Variants in RUNX1 observed in about 807,000 individuals in gnomAD.
RUNX1 encodes the protein RUNX family transcription factor 1.
Under a neutral mutation model 42.8 loss-of-function variants are expected in RUNX1, and 19 were observed. The ratio of observed to expected loss-of-function variants is 0.44; its 90% CI spans 0.31 to 0.65. The LOEUF is 0.65. Ranked by LOEUF, RUNX1 falls within the 30% of genes least tolerant of loss-of-function variation. RUNX1 has a pLI of 0.07. For missense variants in RUNX1, 528 were observed against 672.0 expected (o/e 0.79, Z 2.37); for synonymous variants, 271 against 289.4 (o/e 0.94, Z 0.64).
chr21:34,950,855 ATC>A (rs1178353181), intron 2 of RUNX1, among the ~76,000 whole-genome samples: 2 of 152,366 alleles, frequency 1.3e-5, no homozygotes, highest in East Asian at 3.9e-4. Flanking sequence ...ACAGGTGTCC[ATC>A]TCTGTGCTAA....
rs1308670550 is a variant in RUNX1 at position 34,993,692 on chromosome 21, GGCGC to G, written c.58+55146_58+55149del. On this transcript the variant is annotated intron_variant, in intron 2 of 8. Transcript: ENST00000675419. ...AGACACACACACAGACACACACACAGGCGCACACACACACAGACACACACAGGCA... is the reference window on the plus strand; with the variant it reads ...AGACACACACACAGACACACACACAGACACACACACAGACACACACAGGCA... 1.3e-3 allele frequency among the ~76,000 whole-genome samples: 62 copies of G among 46,092 alleles called. 1 individual carries two copies. The highest frequency in any genetic ancestry group is 3.8e-3 in the African/African-American group (62 of 16,422). The allele number at this position is 46,092 out of a possible 152,430, so 30.2% of individuals were successfully genotyped here.
At position 34,792,503 on chromosome 21, in the gene RUNX1, G is replaced by T; in HGVS notation, c.1075C>A (p.Pro359Thr). Residue 359 changes from proline (P) to threonine (T), a missense_variant, in exon 9 of 9, where the codon CCG becomes ACG. This residue lies in a region of RUNX1 where 331 missense variants were observed against 382.5 expected (regional missense o/e 0.87). Coordinates refer to ENST00000675419, the MANE Select transcript of RUNX1 (RefSeq NM_001754.5). This position sits in a 1 kb window ranked among gnomAD's most constrained non-coding sequence, Gnocchi z 6.9. ...YPGAFTYSPTPVTSGIGIGMS... is the reference protein window; with the variant it reads ...YPGAFTYSPTTVTSGIGIGMS... Reference sequence around the variant, plus strand: ...CCGATGCCGATGCCCGAGGTGACCGGCGTCGGGGAGTAGGTGAAGGCGCCT... The same window carrying T: ...CCGATGCCGATGCCCGAGGTGACCGTCGTCGGGGAGTAGGTGAAGGCGCCT... 6.3e-7 allele frequency: 1 copy of T among 1,599,064 alleles called. No homozygotes were observed. The highest frequency in any genetic ancestry group is 8.5e-7 in the Non-Finnish European group (1 of 1,172,918).
At chr21:34,995,043 G>A (rs932677551) in intron 2 of RUNX1, among the ~76,000 whole-genome samples, 7 of 152,236 alleles carry the variant, frequency 4.6e-5, no homozygotes, top group Non-Finnish European at 1.0e-4. Flanking sequence ...GACACCCGTG[G>A]CATTTAAGCC....
chr21:34,875,359 C>T (rs1189939017), intron 5 of RUNX1, among the ~76,000 whole-genome samples: 3 of 152,162 alleles, frequency 2.0e-5, no homozygotes, highest in Non-Finnish European at 2.9e-5. Flanking sequence ...ACCTGCCCGT[C>T]GAAAAGCAGC....
At chr21:34,947,443 A>G (rs539775586) in intron 2 of RUNX1, among the ~76,000 whole-genome samples, 1 of 152,304 alleles carries the variant, frequency 6.6e-6, no homozygotes, top group South Asian at 2.1e-4. Flanking sequence ...CTCTTACATG[A>G]GTGACTGAAC....
intron 7 of RUNX1, among the ~76,000 whole-genome samples, chr21:34,801,457 C>T (rs546911243): frequency 2.0e-5 from 3 of 152,190 alleles, no homozygotes; most frequent in Non-Finnish European, 4.4e-5. Context: ...TATTTCACAG[C>T]CTTTAAAAAA....
chr21:34,827,315 T>A (rs778872627), intron 7 of RUNX1, among the ~76,000 whole-genome samples: 1 of 152,038 alleles, frequency 6.6e-6, no homozygotes, highest in Non-Finnish European at 1.5e-5. Flanking sequence ...CTACATATAG[T>A]GAGATGTGAT....
At chr21:34,934,670 T>C (rs919097078) in intron 2 of RUNX1, among the ~76,000 whole-genome samples, 4 of 152,094 alleles carry the variant, frequency 2.6e-5, no homozygotes, top group Admixed American at 2.6e-4. Context: ...GAATAAAGAA[T>C]ATAGGAGCAT....
chr21:34,799,617 C>A (rs948655963), intron 7 of RUNX1, among the ~76,000 whole-genome samples, 155 bp from the exon 8 acceptor site: 11 of 152,206 alleles, frequency 7.2e-5, no homozygotes, highest in African/African-American at 2.7e-4. Flanking sequence ...GTCCAAGTAT[C>A]TGCCTCTGTT....
intron 2 of RUNX1, among the ~76,000 whole-genome samples, chr21:34,938,113 C>T (rs2834681): frequency 0.19 from 28,491 of 152,142 alleles, 5,770 homozygotes; most frequent in African/African-American, 0.51. Flanking sequence ...TCATGAGTTA[C>T]ATAATATCCA....
At chr21:35,043,493 A>T (rs1470897073) in intron 2 of RUNX1, among the ~76,000 whole-genome samples, 2 of 152,242 alleles carry the variant, frequency 1.3e-5, no homozygotes, top group Non-Finnish European at 2.9e-5. Context: ...CATTTGTGAA[A>T]TGATGGGAGA....
At chr21:34,905,996 C>T (rs1372281229) in intron 2 of RUNX1, among the ~76,000 whole-genome samples, 2 of 152,196 alleles carry the variant, frequency 1.3e-5, no homozygotes, top group Non-Finnish European at 2.9e-5. Flanking sequence ...AGAATCCTCT[C>T]TCCTGGTGGT....
chr21:34,793,939 A>G (rs1485561232), intron 8 of RUNX1, among the ~76,000 whole-genome samples: 1 of 152,086 alleles, frequency 6.6e-6, no homozygotes, highest in Non-Finnish European at 1.5e-5. Context: ...CCTGACCTCA[A>G]GTGATCCACC....
At chr21:34,801,285 G>T (rs983782506) in intron 7 of RUNX1, among the ~76,000 whole-genome samples, 8 of 151,916 alleles carry the variant, frequency 5.3e-5, no homozygotes, top group African/African-American at 9.7e-5. Context: ...AGTAATTCAC[G>T]CCTTGTTGTG....
At chr21:34,942,694 A>C (rs1362515285) in intron 2 of RUNX1, among the ~76,000 whole-genome samples, 3 of 152,206 alleles carry the variant, frequency 2.0e-5, no homozygotes, top group Non-Finnish European at 2.9e-5. Context: ...GGGCTAATGT[A>C]CCCTTTCCAT....
intron 2 of RUNX1, among the ~76,000 whole-genome samples, chr21:34,916,437 C>T (rs1031395435): frequency 1.3e-5 from 2 of 152,120 alleles, no homozygotes; most frequent in African/African-American, 4.8e-5. Flanking sequence ...TTAATAAATG[C>T]ACAGTCTAGT....
At chr21:34,937,102 C>T (rs1451778298) in intron 2 of RUNX1, among the ~76,000 whole-genome samples, 1 of 152,138 alleles carries the variant, frequency 6.6e-6, no homozygotes, top group Non-Finnish European at 1.5e-5. Flanking sequence ...AGATTATGCA[C>T]ACATGGGTCC....
rs182127726 is a variant in RUNX1, at chr21:34,927,744, C to T, written c.59-34781G>A. Among the ~76,000 whole-genome samples, 20 of 152,174 alleles carry T rather than the reference C, an allele frequency of 1.3e-4. No individual in the cohort carries two copies. The East Asian group carries it at 2.9e-3, about 22-fold the overall frequency. On this transcript the variant is annotated intron_variant, in intron 2 of 8. Coordinates refer to ENST00000675419, the MANE Select transcript of RUNX1 (RefSeq NM_001754.5). ...CAGAGGGCCTGCCACATAGTAGGCT[C>T]GTGAAGGCTGTTGTCTGAAAAGAGC...
At chr21:35,025,421 A>G (rs2059228030) in intron 2 of RUNX1, among the ~76,000 whole-genome samples, 1 of 152,050 alleles carries the variant, frequency 6.6e-6, no homozygotes, top group Non-Finnish European at 1.5e-5. Context: ...CCTCCCCCAG[A>G]CGTTCCGATG....
Sources: gnomAD v4.1 joint callset for allele counts (sites outside exome capture counted in the v4.1 genomes callset) on GRCh38, gnomAD v4.1.1 for gene constraint, gnomAD v4.1.1 regional missense constraint, Gnocchi (gnomAD v3.1) non-coding constraint, MANE v1.5 for transcripts, NCBI Gene and HGNC (gene_info 2026-07-23, HGNC 2026-07-21) for gene names.